ELAPOR2: variants seen among roughly 807,000 people sequenced by gnomAD.
The protein encoded by ELAPOR2 is endosome/lysosome-associated apoptosis and autophagy regulator family member 2.
Under a neutral mutation model 120.7 loss-of-function variants are expected in ELAPOR2, and 89 were observed. That is an observed-to-expected ratio of 0.74 (90% CI 0.62 to 0.88). The LOEUF (loss-of-function observed/expected upper bound fraction) is 0.88, where lower values mean the gene tolerates loss of function less well. Among genes scored for constraint, ELAPOR2 ranks in the 40% least tolerant of loss-of-function variants. ELAPOR2 has a pLI of 0.00. For synonymous variants in ELAPOR2, 444 were observed against 444.9 expected (o/e 1.00, Z 0.03); for missense variants, 1,134 against 1,251.6 (o/e 0.91, Z 1.42).
At chr7:86,895,386 T>C (rs1352286844) in intron 19 of ELAPOR2, among the ~76,000 whole-genome samples, 1 of 152,096 alleles carries the variant, frequency 6.6e-6, no homozygotes, top group Admixed American at 6.6e-5. Flanking sequence ...AGGAATGACA[T>C]TCATAGTTTT....
At chr7:87,019,608 CTA>C (rs969316118) in intron 1 of ELAPOR2, among the ~76,000 whole-genome samples, 21 of 152,046 alleles carry the variant, frequency 1.4e-4, no homozygotes, top group African/African-American at 4.3e-4. Flanking sequence ...GAACTGGACA[CTA>C]TTTTTGTTAA....
intron 8 of ELAPOR2, among the ~76,000 whole-genome samples, chr7:86,927,908 G>A (rs1584360505): frequency 6.6e-6 from 1 of 151,990 alleles, no homozygotes; most frequent in Middle Eastern, 3.4e-3. Flanking sequence ...GCAATAGGAA[G>A]TCTGCTATTA....
chr7:87,007,342 T>C (rs1057316737), intron 1 of ELAPOR2, among the ~76,000 whole-genome samples: 3 of 152,164 alleles, frequency 2.0e-5, no homozygotes, highest in African/African-American at 7.2e-5. Flanking sequence ...GAAACCAGGT[T>C]TCTCATTGTT....
chr7:86,972,981 A>T (rs541983448), intron 1 of ELAPOR2, among the ~76,000 whole-genome samples: 1 of 152,226 alleles, frequency 6.6e-6, no homozygotes, highest in Non-Finnish European at 1.5e-5. Context: ...ACATTAACCC[A>T]CTTGAATTTG....
intron 12 of ELAPOR2, among the ~76,000 whole-genome samples, chr7:86,915,628 T>A (rs1017672905): frequency 2.0e-5 from 3 of 150,708 alleles, no homozygotes; most frequent in Non-Finnish European, 3.0e-5. Context: ...AATTTTCTAA[T>A]TTTCCTGGCA....
At chr7:87,008,114 T>G (rs1793544023) in intron 1 of ELAPOR2, among the ~76,000 whole-genome samples, 1 of 152,122 alleles carries the variant, frequency 6.6e-6, no homozygotes, top group South Asian at 2.1e-4. Context: ...TGATAAAAAA[T>G]TACCTTCACC....
At chr7:86,924,174 A>G (rs1309373048) in intron 10 of ELAPOR2, among the ~76,000 whole-genome samples, 1 of 152,006 alleles carries the variant, frequency 6.6e-6, no homozygotes, top group East Asian at 1.9e-4. Flanking sequence ...TACCATTTCA[A>G]TGCCACACAC....
intron 1 of ELAPOR2, among the ~76,000 whole-genome samples, chr7:86,989,325 G>T (rs1178963870): frequency 1.3e-5 from 2 of 152,210 alleles, no homozygotes; most frequent in South Asian, 4.1e-4. Flanking sequence ...AGAGATTAGA[G>T]ATTCTTGCAC....
At chr7:86,976,552 C>T (rs1453633222) in intron 1 of ELAPOR2, among the ~76,000 whole-genome samples, 2 of 152,118 alleles carry the variant, frequency 1.3e-5, no homozygotes, top group African/African-American at 2.4e-5. Context: ...TCCTGCCCCT[C>T]ACCTGCCCCC....
Position 86,940,116 on chromosome 7 carries a change from C to G in ELAPOR2, c.742-1G>C. ...TGTTTGTGCCTGATTTCAGCATTAC[C>G]TATAAAGAGAAACATAAAGGCACTT... On this transcript the variant is annotated splice_acceptor_variant, in intron 5 of 21. Transcript: ENST00000450689. LOFTEE classifies it high-confidence loss of function. 1 of 1,600,880 alleles carries G rather than the reference C, an allele frequency of 6.2e-7. No homozygotes were observed. The highest frequency in any genetic ancestry group is 1.7e-4 in the Middle Eastern group (1 of 6,018).
At chr7:86,947,511 C>T (rs900968224) in intron 3 of ELAPOR2, among the ~76,000 whole-genome samples, 2 of 152,302 alleles carry the variant, frequency 1.3e-5, no homozygotes, top group Admixed American at 6.5e-5. Context: ...AGCTTTATTG[C>T]ATTTTTGCAT....
At chr7:87,005,372 G>T (rs1793438754) in intron 1 of ELAPOR2, among the ~76,000 whole-genome samples, 1 of 152,052 alleles carries the variant, frequency 6.6e-6, no homozygotes, top group African/African-American at 2.4e-5. Flanking sequence ...TTCTATATTG[G>T]CAAAAGGACA....
chr7:86,890,693 A>G (rs2115823818), intron 21 of ELAPOR2, among the ~76,000 whole-genome samples: 1 of 152,206 alleles, frequency 6.6e-6, no homozygotes, highest in Middle Eastern at 3.4e-3. Context: ...AGTAGGGTAA[A>G]GATCTCCGAT....
intron 18 of ELAPOR2, among the ~76,000 whole-genome samples, chr7:86,902,289 G>A (rs1454889028): frequency 6.6e-6 from 1 of 152,116 alleles, no homozygotes. Context: ...TGATTCTCCT[G>A]CCTCAGCCTC....
chr7:86,878,989 AC>A lies in ELAPOR2; in HGVS notation c.*1481del, dbSNP rs1392239291. On this transcript the variant is annotated 3_prime_UTR_variant, in exon 22 of 22. Coordinates refer to ENST00000450689, the MANE Select transcript of ELAPOR2 (RefSeq NM_001142749.3). Reference sequence around the variant, plus strand: ...TCCCATTTTCCACAAAAATAAAGACACCACCTTCAGACACAAAAGTTACAAG... The same window carrying A: ...TCCCATTTTCCACAAAAATAAAGACACACCTTCAGACACAAAAGTTACAAG... 6.6e-6 allele frequency: 1 copy of A among 152,184 alleles called. No homozygotes were observed. Among genetic ancestry groups the A allele is most frequent in the Non-Finnish European group, 1.5e-5 (1 of 68,038 alleles). The allele number at this position is 152,184 out of a possible 1,614,324, so 9.4% of individuals were successfully genotyped here.
Position 86,979,408 on chromosome 7 carries a change from A to C in ELAPOR2, c.190-14384T>G, listed in dbSNP as rs142158649. Among the ~76,000 whole-genome samples, 912 of 152,348 alleles carry C rather than the reference A, an allele frequency of 6.0e-3. 35 individuals carry two copies. Among genetic ancestry groups the C allele is most frequent in the Admixed American group, 0.054 (825 of 15,306 alleles). On this transcript the variant is annotated intron_variant, in intron 1 of 21. Transcript: ENST00000450689. The stretch of plus-strand genomic sequence containing the variant: ...TAAGTGTAACCTAGTAGAACAAAGA[A>C]GCTTTTAGGGGTATTTATAAAAAGA...
chr7:86,892,068 T>C (rs1038361342), intron 20 of ELAPOR2, among the ~76,000 whole-genome samples, 179 bp from the exon 21 acceptor site: 5 of 152,048 alleles, frequency 3.3e-5, no homozygotes, highest in African/African-American at 4.8e-5. Flanking sequence ...ATCTACCATT[T>C]ACAAAGAAAT....
At position 86,993,234 on chromosome 7, in the gene ELAPOR2, C is replaced by CAA. The variant is rs1159917841; in HGVS notation, c.190-28212_190-28211dup. Among the ~76,000 whole-genome samples, 22 of 57,072 alleles carry CAA rather than the reference C, an allele frequency of 3.9e-4. 1 individual carries two copies. Among genetic ancestry groups the CAA allele is most frequent in the African/African-American group, 8.1e-4 (14 of 17,280 alleles). The allele number at this position is 57,072 out of a possible 152,430, so 37.4% of individuals were successfully genotyped here. A position where few individuals can be genotyped will look rare whatever the true frequency, so the allele number is the denominator to read the frequency against. On this transcript the variant is annotated intron_variant, in intron 1 of 21. Transcript: ENST00000450689. The stretch of plus-strand genomic sequence containing the variant: ...CTGATGACAGAGCGAGACTCCATCT[C>CAA]AAAAAAAAAAAAAAAAGAAAAAGAA...
At chr7:86,952,232 T>A (rs1286750019) in intron 2 of ELAPOR2, among the ~76,000 whole-genome samples, 1 of 152,198 alleles carries the variant, frequency 6.6e-6, no homozygotes, top group East Asian at 1.9e-4. Flanking sequence ...AAATATTGAA[T>A]CCATGAATAA....
Sources: allele counts gnomAD v4.1 joint callset (sites outside exome capture counted in the v4.1 genomes callset), GRCh38; gene constraint gnomAD v4.1.1; transcripts MANE v1.5; gene names NCBI Gene and HGNC (gene_info 2026-07-23, HGNC 2026-07-21).